WDR82: variants seen among roughly 807,000 people sequenced by gnomAD.
The protein encoded by WDR82 is WD repeat domain 82.
WDR82 carries 8 observed loss-of-function variants against 36.1 expected under a neutral mutation model. That is an observed-to-expected ratio of 0.22 (90% CI 0.13 to 0.40). The LOEUF (loss-of-function observed/expected upper bound fraction) is 0.40. Among genes scored for constraint, WDR82 ranks in the 10% least tolerant of loss-of-function variants. The pLI is 1.00. For missense variants in WDR82, 185 were observed against 400.5 expected (o/e 0.46, Z 4.59); for synonymous variants, 129 against 137.8 (o/e 0.94, Z 0.45).
intron 5 of WDR82, among the ~76,000 whole-genome samples, chr3:52,260,080 C>T (rs1700047730): frequency 6.6e-6 from 1 of 152,188 alleles, no homozygotes; most frequent in Non-Finnish European, 1.5e-5. Context: ...CCTGTAATCC[C>T]AGCACTTTGG....
Position 52,278,258 on chromosome 3 carries a change from G to T in WDR82, c.104C>A (p.Thr35Lys). ...GTCGTCGTCGCTACTCGAGATGACC[G>T]TCTCGCCGTTGGGGCTGAAATCGAA... ...NCFDFSPNGE[T>K]VISSSDDDSI... Residue 35 changes from threonine to lysine, a missense_variant, in exon 1 of 9, where the codon ACG becomes AAG. Thr to Lys is a moderately conservative substitution (Grantham distance 78, BLOSUM62 -1). Transcript: ENST00000296490. 1 of 1,611,278 alleles carries T rather than the reference G, an allele frequency of 6.2e-7. No individual in the cohort carries two copies. Among genetic ancestry groups the T allele is most frequent in the South Asian group, 1.1e-5 (1 of 90,850 alleles).
intron 8 of WDR82, 99 bp downstream of exon 8, chr3:52,258,437 G>T: frequency 7.4e-7 from 1 of 1,354,974 alleles, no homozygotes; most frequent in South Asian, 1.2e-5. Flanking sequence ...TGCTTGTAAT[G>T]TACCTATGTA....
intron 2 of WDR82, 54 bp downstream of exon 2, chr3:52,270,658 G>A (rs576060337): frequency 7.3e-7 from 1 of 1,363,742 alleles, no homozygotes; most frequent in East Asian, 2.3e-5. Flanking sequence ...AAGATTCCAT[G>A]AACTATTTAA....
At chr3:52,271,089 C>CT (rs562029232) in intron 1 of WDR82, among the ~76,000 whole-genome samples, 29 of 129,900 alleles carry the variant, frequency 2.2e-4, no homozygotes, top group African/African-American at 7.3e-4. Context: ...TGTTCAAAAG[C>CT]TTTGAGAAAA....
chr3:52,267,348 C>T (rs1223538734), intron 2 of WDR82: 1 of 253,952 alleles, frequency 3.9e-6, no homozygotes, highest in African/African-American at 2.4e-5. Context: ...GTAAAGCACA[C>T]ATAATAATTT....
chr3:52,263,530 G>C (rs1169742344), intron 3 of WDR82, among the ~76,000 whole-genome samples: 1 of 152,192 alleles, frequency 6.6e-6, no homozygotes, highest in African/African-American at 2.4e-5. Flanking sequence ...GAAACAGGAT[G>C]GTAAGAGATG....
chr3:52,265,482 T>G (rs1437660240), intron 3 of WDR82, among the ~76,000 whole-genome samples: 1 of 152,026 alleles, frequency 6.6e-6, no homozygotes, highest in Non-Finnish European at 1.5e-5. Context: ...AGCCATCCTT[T>G]GTCTGAAACC....
intron 7 of WDR82, 124 bp from the exon 8 acceptor site, chr3:52,258,802 G>T: frequency 7.7e-7 from 1 of 1,306,870 alleles, no homozygotes; most frequent in Non-Finnish European, 1.1e-6. Flanking sequence ...AGGCAAAATT[G>T]AGAGGGAGGA....
At chr3:52,270,304 G>A (rs541218669) in intron 2 of WDR82, among the ~76,000 whole-genome samples, 1 of 152,288 alleles carries the variant, frequency 6.6e-6, no homozygotes, top group Admixed American at 6.5e-5. Context: ...ATTTTTAGTA[G>A]AGACAAGGTT....
intron 2 of WDR82, among the ~76,000 whole-genome samples, chr3:52,269,201 G>A (rs1270421633): frequency 1.3e-5 from 2 of 152,124 alleles, no homozygotes; most frequent in Non-Finnish European, 2.9e-5. Flanking sequence ...CTGGCCGGGC[G>A]TGGTGGTTCA....
intron 4 of WDR82, among the ~76,000 whole-genome samples, chr3:52,260,852 C>A (rs1272250835): frequency 6.6e-6 from 1 of 152,238 alleles, no homozygotes; most frequent in Non-Finnish European, 1.5e-5. Flanking sequence ...ATTAAGCCAG[C>A]TGGGCGCAGT....
rs1204197006 is a variant in WDR82 at position 52,266,996 on chromosome 3, C to T, written c.282G>A (p.Leu94=). 2.5e-6 allele frequency: 4 copies of T among 1,610,484 alleles called. No individual in the cohort carries two copies. The highest frequency in any genetic ancestry group is 2.5e-6 in the Non-Finnish European group (3 of 1,177,806). Residue 94 remains leucine, a synonymous_variant, in exon 3 of 9, where the codon TTG becomes TTA. Transcript: ENST00000296490. The part of the protein sequence containing the change: ...KIDDTIRYLS[L]HDNKYIRYFP... ...AGTATCTGATGTATTTGTTGTCATG[C>T]AAGGACAAGTAACGAATAGTATCTG...
intron 2 of WDR82, among the ~76,000 whole-genome samples, chr3:52,269,134 C>T (rs2107338836): frequency 6.6e-6 from 1 of 152,256 alleles, no homozygotes; most frequent in East Asian, 1.9e-4. Context: ...AAAAACCTTA[C>T]TGCAAAATGT....
In WDR82 at chr3:52,256,444, G is replaced by A. The variant is rs572670884; in HGVS notation, c.*1046C>T. On this transcript the variant is annotated 3_prime_UTR_variant, in exon 9 of 9. Coordinates refer to ENST00000296490, the MANE Select transcript of WDR82 (RefSeq NM_025222.4). ...AAAATACAAACAACAGAAATCAAAGGTCATATATAAAAACGCTAAATATGA... is the reference window on the plus strand; with the variant it reads ...AAAATACAAACAACAGAAATCAAAGATCATATATAAAAACGCTAAATATGA... The A allele has an allele frequency of 1.3e-5, 2 of 153,736 alleles. No individual in the cohort carries two copies. The highest frequency in any genetic ancestry group is 2.1e-4 in the South Asian group (1 of 4,810). 9.5% of individuals were successfully genotyped at this position (153,736 alleles called of 1,614,324 possible). A position where few individuals can be genotyped will look rare whatever the true frequency, so the allele number is the denominator to read the frequency against.
intron 4 of WDR82, 41 bp downstream of exon 4, chr3:52,261,339 A>G (rs768579445): frequency 1.3e-6 from 2 of 1,571,842 alleles, no homozygotes; most frequent in Admixed American, 1.7e-5. Context: ...AGTGCCTACC[A>G]AAGAAAATGC....
chr3:52,275,188 T>C (rs1700192321), intron 1 of WDR82, among the ~76,000 whole-genome samples: 1 of 152,102 alleles, frequency 6.6e-6, no homozygotes, highest in Admixed American at 6.5e-5. Context: ...GCCACTGCAC[T>C]CCAGCCTGGG....
intron 2 of WDR82, among the ~76,000 whole-genome samples, chr3:52,269,490 T>C (rs890324620): frequency 2.3e-4 from 34 of 149,982 alleles, no homozygotes; most frequent in African/African-American, 5.2e-4. Flanking sequence ...GAATAAAGAA[T>C]AGGCCGGGCA....
At chr3:52,274,158 C>T (rs1003907730) in intron 1 of WDR82, among the ~76,000 whole-genome samples, 1 of 152,224 alleles carries the variant, frequency 6.6e-6, no homozygotes, top group African/African-American at 2.4e-5. Flanking sequence ...AATGGGCGAA[C>T]TCCATTGTAA....
At chr3:52,263,020 C>G (rs752485574) in intron 3 of WDR82, among the ~76,000 whole-genome samples, 4 of 152,028 alleles carry the variant, frequency 2.6e-5, no homozygotes, top group Non-Finnish European at 5.9e-5. Context: ...CCCAGCTACT[C>G]AAGAGGCTGA....
Sources: gnomAD v4.1 joint callset for allele counts (sites outside exome capture counted in the v4.1 genomes callset) on GRCh38, gnomAD v4.1.1 for gene constraint, MANE v1.5 for transcripts, NCBI Gene and HGNC (gene_info 2026-07-23, HGNC 2026-07-21) for gene names.